The following MAP4K4 variants were observed in gnomAD, a reference collection of about 807,000 sequenced individuals.
The protein encoded by MAP4K4 is mitogen-activated protein kinase kinase kinase kinase 4.
A neutral mutation model predicts 189.6 loss-of-function variants in MAP4K4; 38 were observed. The observed-to-expected ratio is 0.20, with a 90% confidence interval of 0.15 to 0.26. The LOEUF (loss-of-function observed/expected upper bound fraction) is 0.26, where lower values mean the gene tolerates loss of function less well. MAP4K4 is among the 10% of genes least tolerant of loss of function. The pLI, the probability that MAP4K4 is intolerant of heterozygous loss-of-function variation, is 1.00. For synonymous variants in MAP4K4, 610 were observed against 624.3 expected, an observed-to-expected ratio of 0.98 and a Z score of 0.34; for missense variants, 1,054 against 1,726.9, an observed-to-expected ratio of 0.61 and a Z score of 6.91.
At chr2:101,723,503 CTGTT>C (rs749822920) in intron 2 of MAP4K4, among the ~76,000 whole-genome samples, 15 of 152,134 alleles carry the variant, frequency 9.9e-5, no homozygotes, top group Non-Finnish European at 1.8e-4. Flanking sequence ...GTGAGAGTCA[CTGTT>C]TGTCTTCTGT....
chr2:101,762,102 A>G (rs1318652164), intron 2 of MAP4K4, among the ~76,000 whole-genome samples: 1 of 152,164 alleles, frequency 6.6e-6, no homozygotes, highest in Non-Finnish European at 1.5e-5. Context: ...TGTTTTCAGG[A>G]TTAGAAGGTA....
chr2:101,760,989 G>A (rs948167329), intron 2 of MAP4K4, among the ~76,000 whole-genome samples: 2 of 152,112 alleles, frequency 1.3e-5, no homozygotes, highest in African/African-American at 2.4e-5. Context: ...GGCAACAAGA[G>A]CAAAACTCTG....
At chr2:101,764,284 A>T (rs1259727399) in intron 2 of MAP4K4, among the ~76,000 whole-genome samples, 1 of 152,238 alleles carries the variant, frequency 6.6e-6, no homozygotes. Flanking sequence ...AATTATACCC[A>T]AATTGAACCT....
At chr2:101,858,785 T>A (rs2097551487) in intron 13 of MAP4K4, among the ~76,000 whole-genome samples, 1 of 152,236 alleles carries the variant, frequency 6.6e-6, no homozygotes, top group African/African-American at 2.4e-5. Context: ...ATTATGGGAA[T>A]GCATATCATC....
At chr2:101,809,203 G>A (rs1052026105) in intron 3 of MAP4K4, among the ~76,000 whole-genome samples, 6 of 151,988 alleles carry the variant, frequency 3.9e-5, no homozygotes, top group African/African-American at 9.7e-5. Flanking sequence ...TGTATATAGC[G>A]CGTATATATG....
chr2:101,876,996 G>C lies in MAP4K4; in HGVS notation c.3242-7G>C, dbSNP rs751697755. 6.2e-7 allele frequency: 1 copy of C among 1,613,842 alleles called. No individual in the cohort carries two copies. Among genetic ancestry groups the C allele is most frequent in the East Asian group, 2.2e-5 (1 of 44,878 alleles). On this transcript the variant is annotated splice_polypyrimidine_tract_variant and splice_region_variant and intron_variant, in intron 26 of 32. Transcript: ENST00000324219. ...AAAATTGAGGCCTTTCTGTGTCCCTGAAACAGGAGTGAATTTGCTAGTGGG... is the reference window on the plus strand; with the variant it reads ...AAAATTGAGGCCTTTCTGTGTCCCTCAAACAGGAGTGAATTTGCTAGTGGG...
intron 21 of MAP4K4, among the ~76,000 whole-genome samples, chr2:101,868,844 T>G (rs967267620): frequency 3.3e-5 from 5 of 149,852 alleles, no homozygotes; most frequent in Admixed American, 3.3e-4. Flanking sequence ...GTTTGAAGTT[T>G]TTTTTTTTTC....
chr2:101,834,997 A>G (rs967649009), intron 8 of MAP4K4, among the ~76,000 whole-genome samples: 1 of 152,156 alleles, frequency 6.6e-6, no homozygotes, highest in Admixed American at 6.5e-5. Context: ...AAAACACTGC[A>G]TTTTCTGCTG....
intron 3 of MAP4K4, among the ~76,000 whole-genome samples, chr2:101,799,911 C>T (rs903585314): frequency 6.6e-6 from 1 of 152,052 alleles, no homozygotes; most frequent in African/African-American, 2.4e-5. Context: ...GCCGATTCTT[C>T]TGCTATTTTA....
Position 101,811,008 on chromosome 2 carries a change from C to T in MAP4K4, c.181-12920C>T, listed in dbSNP as rs560709536. 3.3e-5 allele frequency among the ~76,000 whole-genome samples: 5 copies of T among 152,254 alleles called. No homozygotes were observed. In the South Asian group the frequency reaches 8.3e-4, roughly 25 times the overall value. On this transcript the variant is annotated intron_variant, in intron 3 of 32. Transcript: ENST00000324219. ...AATTTATACTGAGCCTGGCAGGAAA[C>T]GAGGGCATTTTCTTGATTTCTTTTA... is the stretch of plus-strand genomic sequence containing the variant.
Position 101,807,528 on chromosome 2 carries a change from G to A in MAP4K4, c.181-16400G>A, listed in dbSNP as rs114081048. ...TGTCTCATTAGTTCCTAGACTGATG[G>A]TAACCTACATGACCAAAGATGCTTT... On this transcript the variant is annotated intron_variant, in intron 3 of 32. Coordinates refer to ENST00000324219, the Ensembl canonical transcript of MAP4K4. Among the ~76,000 whole-genome samples the A allele has an allele frequency of 3.5e-3, 533 of 152,288 alleles. 2 individuals carry two copies. Among genetic ancestry groups the A allele is most frequent in the African/African-American group, 0.012 (518 of 41,542 alleles).
chr2:101,748,224 G>T (rs993991637), intron 2 of MAP4K4, among the ~76,000 whole-genome samples: 16 of 152,164 alleles, frequency 1.1e-4, no homozygotes. Context: ...AAAGTTTACC[G>T]AGTGAAGCTG....
chr2:101,753,651 C>T (rs1040211782), intron 2 of MAP4K4, among the ~76,000 whole-genome samples: 4 of 151,390 alleles, frequency 2.6e-5, no homozygotes, highest in African/African-American at 2.4e-5. Context: ...CATTTTTGTC[C>T]GCAAGTATAC....
chr2:101,699,471 A>T (rs6543087), intron 2 of MAP4K4, among the ~76,000 whole-genome samples: 76,825 of 152,086 alleles, frequency 0.51, 21,853 homozygotes, highest in African/African-American at 0.78. Flanking sequence ...TTGTTTCTCA[A>T]TACTGAACGT....
rs1553493582 is a variant in MAP4K4, at chr2:101,811,386, A to AAAGG, written c.181-12540_181-12539insGGAA. 7.6e-3 allele frequency among the ~76,000 whole-genome samples: 1,071 copies of AAAGG among 140,794 alleles called. 24 individuals carry two copies. Among genetic ancestry groups the AAAGG allele is most frequent in the African/African-American group, 0.031 (1,017 of 32,466 alleles). 92.4% of individuals were successfully genotyped at this position (140,794 alleles called of 152,430 possible). A position where few individuals can be genotyped will look rare whatever the true frequency, so the allele number is the denominator to read the frequency against. ...ACTGCGTCTCAAAAAAAAAAAAAAAAAAAAAGAATGTGGAAGTAGTTTTGC... is the reference window on the plus strand; with the variant it reads ...ACTGCGTCTCAAAAAAAAAAAAAAAAAAGGAAAAAGAATGTGGAAGTAGTTTTGC... On this transcript the variant is annotated intron_variant, in intron 3 of 32. Transcript: ENST00000324219.
chr2:101,794,847 G>T (rs150599320), intron 3 of MAP4K4, among the ~76,000 whole-genome samples: 35 of 151,980 alleles, frequency 2.3e-4, no homozygotes, highest in African/African-American at 7.2e-4. Flanking sequence ...ATTGACTTTT[G>T]TAAGAATTTA....
At chr2:101,827,524 A>C (rs1294925859) in intron 5 of MAP4K4, among the ~76,000 whole-genome samples, 1 of 152,142 alleles carries the variant, frequency 6.6e-6, no homozygotes, top group Non-Finnish European at 1.5e-5. Context: ...GGGTTAAACA[A>C]TTTCTGTGGT....
intron 3 of MAP4K4, among the ~76,000 whole-genome samples, chr2:101,807,709 G>A (rs2095086351): frequency 6.6e-6 from 1 of 152,174 alleles, no homozygotes; most frequent in Non-Finnish European, 1.5e-5. Flanking sequence ...TCATGTTGGA[G>A]GCAAAGGGGA....
chr2:101,843,964 A>G, intron 11 of MAP4K4, 137 bp from the exon 12 acceptor site: 1 of 613,866 alleles, frequency 1.6e-6, no homozygotes, highest in Admixed American at 2.9e-5. Flanking sequence ...ATTTCTGTGG[A>G]TGTATTAGTT....
Sources: gnomAD v4.1 joint callset for allele counts (sites outside exome capture counted in the v4.1 genomes callset) on GRCh38, gnomAD v4.1.1 for gene constraint, MANE v1.5 for transcripts, NCBI Gene and HGNC (gene_info 2026-07-23, HGNC 2026-07-21) for gene names.